LEKR1: variants seen among roughly 807,000 people sequenced by gnomAD.
The protein encoded by LEKR1 is leucine, glutamate and lysine rich 1, also known as protein LEKR1.
In LEKR1, 59 loss-of-function variants were observed where a neutral mutation model predicts 72.4. That is an observed-to-expected ratio of 0.82 (90% CI 0.66 to 1.01). LEKR1 has a LOEUF of 1.01. Ranked by LOEUF, LEKR1 falls within the 50% of genes least tolerant of loss-of-function variation. The pLI is 0.00. For synonymous variants in LEKR1, 257 were observed against 263.2 expected, an observed-to-expected ratio of 0.98 and a Z score of 0.23; for missense variants, 728 against 759.2, an observed-to-expected ratio of 0.96 and a Z score of 0.48.
At chr3:156,904,553 G>A (rs759921929) in intron 3 of LEKR1, among the ~76,000 whole-genome samples, 9 of 151,056 alleles carry the variant, frequency 6.0e-5, no homozygotes, top group Middle Eastern at 3.4e-3. Flanking sequence ...TTGAACGCTC[G>A]GGCTCAAGCA....
intron 3 of LEKR1, among the ~76,000 whole-genome samples, chr3:156,876,332 A>G (rs1383663323): frequency 6.6e-6 from 1 of 152,076 alleles, no homozygotes; most frequent in Non-Finnish European, 1.5e-5. Context: ...TTGGTTCCAT[A>G]AGAATTTTAA....
chr3:156,845,984 TATTTC>T (rs1471004901), intron 2 of LEKR1, among the ~76,000 whole-genome samples: 3 of 152,178 alleles, frequency 2.0e-5, no homozygotes, highest in African/African-American at 7.2e-5. Flanking sequence ...ATCTTCAATA[TATTTC>T]ATCAGCATTT....
intron 3 of LEKR1, among the ~76,000 whole-genome samples, chr3:156,877,349 G>T (rs1430474787): frequency 6.6e-6 from 1 of 152,068 alleles, no homozygotes; most frequent in East Asian, 1.9e-4. Flanking sequence ...AATGATGTAG[G>T]GAGGAGTCCC....
At chr3:156,867,936 T>C (rs530788735) in intron 3 of LEKR1, among the ~76,000 whole-genome samples, 2 of 152,206 alleles carry the variant, frequency 1.3e-5, no homozygotes, top group South Asian at 4.1e-4. Context: ...CATAGGAATA[T>C]TTATATACCT....
intron 3 of LEKR1, among the ~76,000 whole-genome samples, chr3:156,862,669 A>T (rs546062952): frequency 3.5e-4 from 53 of 152,204 alleles, no homozygotes; most frequent in African/African-American, 1.3e-3. Context: ...TTTCATACCT[A>T]ACTTGGATAT....
At chr3:156,920,441 A>G (rs1409526098) in intron 3 of LEKR1, 134 bp from the exon 4 acceptor site, 3 of 550,800 alleles carry the variant, frequency 5.4e-6, no homozygotes, top group South Asian at 5.2e-5. Context: ...TTTTTTCTGT[A>G]CATTCATATA....
At chr3:156,948,844 T>A (rs1243673965) in intron 6 of LEKR1, among the ~76,000 whole-genome samples, 2 of 151,564 alleles carry the variant, frequency 1.3e-5, no homozygotes, top group African/African-American at 4.8e-5. Flanking sequence ...TTTTGACTTT[T>A]TAATAATAGC....
chr3:157,017,369 T>C (rs145301878), intron 10 of LEKR1: 1 of 152,220 alleles, frequency 6.6e-6, no homozygotes, highest in African/African-American at 2.4e-5. Context: ...GGCTGCGACA[T>C]CTGTCACTCT....
chr3:157,005,723 A>C (rs1012079098), intron 9 of LEKR1, among the ~76,000 whole-genome samples: 15 of 152,166 alleles, frequency 9.9e-5, no homozygotes, highest in African/African-American at 3.6e-4. Context: ...CGTGTTCTTC[A>C]AAAGACACTT....
chr3:157,021,991 C>G (rs1733875155), intron 10 of LEKR1, among the ~76,000 whole-genome samples: 2 of 152,082 alleles, frequency 1.3e-5, no homozygotes, highest in South Asian at 4.1e-4. Flanking sequence ...CTTGACTTAT[C>G]TATGCCAGAG....
rs150311933 is a variant in LEKR1, at chr3:156,839,925, C to T, written c.48+10548C>T. ...CATATTTCCTCAAAGTTACTCCAAG[C>T]GTGCCTGTCTTTTTTGCCTCCCCTT... On this transcript the variant is annotated intron_variant, in intron 2 of 12. Coordinates refer to ENST00000356539, the MANE Select transcript of LEKR1 (RefSeq NM_001004316.3). 9.8e-4 allele frequency among the ~76,000 whole-genome samples: 149 copies of T among 152,222 alleles called. 3 individuals carry two copies. The East Asian group carries it at 0.021, about 22-fold the overall frequency.
At chr3:156,850,970 TA>T (rs1376931721) in intron 2 of LEKR1, among the ~76,000 whole-genome samples, 1 of 152,160 alleles carries the variant, frequency 6.6e-6, no homozygotes, top group African/African-American at 2.4e-5. Context: ...ATATAATTGC[TA>T]AAAATATTAA....
chr3:156,944,751 A>G (rs551609840), intron 6 of LEKR1, among the ~76,000 whole-genome samples: 15 of 151,822 alleles, frequency 9.9e-5, no homozygotes, highest in Non-Finnish European at 2.1e-4. Context: ...ATTGTATCTC[A>G]TTCTTTTTAT....
intron 2 of LEKR1, among the ~76,000 whole-genome samples, chr3:156,830,604 A>G (rs753355931): frequency 3.5e-4 from 54 of 152,216 alleles, no homozygotes; most frequent in Non-Finnish European, 7.1e-4. Flanking sequence ...ATCTCTTATA[A>G]TGAAAGCATA....
intron 6 of LEKR1, among the ~76,000 whole-genome samples, chr3:156,948,731 T>C (rs1010172489): frequency 4.6e-5 from 7 of 151,518 alleles, no homozygotes; most frequent in African/African-American, 1.5e-4. Flanking sequence ...TTTAGCTCCT[T>C]GAGGAATTGC....
At chr3:156,904,073 A>C (rs1722292539) in intron 3 of LEKR1, among the ~76,000 whole-genome samples, 1 of 152,198 alleles carries the variant, frequency 6.6e-6, no homozygotes, top group South Asian at 2.1e-4. Context: ...CAGGGATTTT[A>C]TATGCTTTTC....
chr3:157,019,528 T>C (rs57791022), intron 10 of LEKR1, among the ~76,000 whole-genome samples: 7,814 of 152,238 alleles, frequency 0.051, 234 homozygotes, highest in African/African-American at 0.075. Context: ...ACAAAGATAA[T>C]AATTGATTTT....
intron 3 of LEKR1, among the ~76,000 whole-genome samples, chr3:156,909,203 C>T (rs1479492611): frequency 2.6e-5 from 4 of 152,178 alleles, no homozygotes; most frequent in Non-Finnish European, 5.9e-5. Context: ...AAACCTCTTT[C>T]TTTTGTAAAT....
At chr3:156,928,656 T>A (rs564981211) in intron 5 of LEKR1, among the ~76,000 whole-genome samples, 61 of 152,150 alleles carry the variant, frequency 4.0e-4, no homozygotes, top group Middle Eastern at 3.4e-3. Flanking sequence ...CCCAGAGAAG[T>A]GAAAGCCAGA....
Sources: allele counts gnomAD v4.1 joint callset (sites outside exome capture counted in the v4.1 genomes callset), GRCh38; gene constraint gnomAD v4.1.1; transcripts MANE v1.5; gene names NCBI Gene and HGNC (gene_info 2026-07-23, HGNC 2026-07-21).